Variants in MGAT5 observed in about 807,000 individuals in gnomAD.
MGAT5 encodes the protein alpha-1,6-mannosylglycoprotein 6-beta-N-acetylglucosaminyltransferase.
A neutral mutation model predicts 94.3 loss-of-function variants in MGAT5; 30 were observed. The ratio of observed to expected loss-of-function variants is 0.32; its 90% CI spans 0.24 to 0.43. The LOEUF is 0.43. Ranked by LOEUF, MGAT5 falls within the 20% of genes least tolerant of loss-of-function variation. The pLI, the probability that MGAT5 is intolerant of heterozygous loss-of-function variation, is 1.00. For missense variants in MGAT5, 691 were observed against 905.5 expected (o/e 0.76, Z 3.04); for synonymous variants, 310 against 322.9 (o/e 0.96, Z 0.43).
rs974816378 is a variant in MGAT5, at chr2:134,317,429, T to C, written c.407-100T>C. 5 of 760,690 alleles carry C rather than the reference T, an allele frequency of 6.6e-6. No homozygotes were observed. In the African/African-American group the frequency reaches 9.2e-5, roughly 14 times the overall value. 47.1% of individuals were successfully genotyped at this position (760,690 alleles called of 1,614,324 possible). On this transcript the variant is annotated intron_variant, in intron 2 of 15. Transcript: ENST00000281923. ...AGAGCATGGCTGCCAACAGAGACCT[T>C]TCTTTTTTGGTTTCTCTCCCTACCT...
At chr2:134,233,258 G>A (rs1681462178) in intron 1 of MGAT5, among the ~76,000 whole-genome samples, 1 of 152,150 alleles carries the variant, frequency 6.6e-6, no homozygotes. Context: ...ATGAATCACA[G>A]TGTAGTTTTG....
intron 1 of MGAT5, among the ~76,000 whole-genome samples, chr2:134,179,501 A>G (rs1688633755): frequency 6.6e-6 from 1 of 152,100 alleles, no homozygotes; most frequent in African/African-American, 2.4e-5. Flanking sequence ...AGGATTCACT[A>G]ATTCAGTGTT....
At chr2:134,162,879 T>C (rs1687800268) in intron 1 of MGAT5, among the ~76,000 whole-genome samples, 4 of 152,212 alleles carry the variant, frequency 2.6e-5, no homozygotes, top group Admixed American at 2.0e-4. Context: ...GTTAAGTGCC[T>C]TGCAAACTGT....
intron 10 of MGAT5, among the ~76,000 whole-genome samples, chr2:134,402,560 T>C (rs905209396): frequency 2.0e-5 from 3 of 152,200 alleles, no homozygotes; most frequent in Non-Finnish European, 4.4e-5. Context: ...TGGGTAAATG[T>C]TGCAGTCCAA....
chr2:134,305,507 C>G (rs141612945), intron 2 of MGAT5, among the ~76,000 whole-genome samples: 11 of 152,262 alleles, frequency 7.2e-5, no homozygotes, highest in Middle Eastern at 3.4e-3. Context: ...TATTTCTTTT[C>G]TTCTTCAGTT....
chr2:134,333,746 T>C (rs576698336), intron 4 of MGAT5, among the ~76,000 whole-genome samples: 57 of 152,142 alleles, frequency 3.7e-4, no homozygotes, highest in Admixed American at 9.2e-4. Flanking sequence ...TTCAGCAAGA[T>C]TTTCCTTGAA....
At chr2:134,148,765 T>G (rs1334952984) in intron 1 of MGAT5, among the ~76,000 whole-genome samples, 1 of 147,914 alleles carries the variant, frequency 6.8e-6, no homozygotes, top group Non-Finnish European at 1.5e-5. Flanking sequence ...TTAGGTTTTT[T>G]TTTTTTTTTT....
rs1685935602 is a variant in MGAT5, at chr2:134,448,724, C to G, written c.2103C>G (p.His701Gln). The change falls in exon 16 of 16, where the codon CAC (histidine) becomes CAG (glutamine). Residue 701 changes from histidine to glutamine, a missense_variant. By Grantham distance (24) the His-to-Gln change is conservative. This residue lies in a region of MGAT5 where 260 missense variants were observed against 347.0 expected (regional missense o/e 0.75). Coordinates refer to ENST00000281923, the MANE Select transcript of MGAT5 (RefSeq NM_002410.5). The part of the protein sequence containing the change: ...LVPSFDPKNK[H>Q]CVFQGDLLLF... ...CCTCCTTTGACCCTAAGAATAAGCA[C>G]TGTGTGTTTCAAGGTGACCTCCTGC... The G allele has an allele frequency of 6.2e-7, 1 of 1,614,100 alleles. No individual in the cohort carries two copies. The highest frequency in any genetic ancestry group is 2.2e-5 in the East Asian group (1 of 44,900).
chr2:134,296,638 A>C (rs1685690901), intron 2 of MGAT5, among the ~76,000 whole-genome samples: 1 of 151,964 alleles, frequency 6.6e-6, no homozygotes, highest in Admixed American at 6.6e-5. Flanking sequence ...TATACAACTG[A>C]CCTTGTTTCT....
intron 4 of MGAT5, among the ~76,000 whole-genome samples, chr2:134,333,098 G>A (rs985884182): frequency 6.6e-6 from 1 of 152,052 alleles, no homozygotes; most frequent in Non-Finnish European, 1.5e-5. Flanking sequence ...TATAACCAAA[G>A]GACTATAAAT....
At chr2:134,199,350 G>A (rs996718744) in intron 1 of MGAT5, among the ~76,000 whole-genome samples, 6 of 152,092 alleles carry the variant, frequency 3.9e-5, no homozygotes, top group South Asian at 2.1e-4. Context: ...CTGAAGTCTC[G>A]GAGGGAGTCC....
chr2:134,127,229 C>G (rs1685882588), intron 1 of MGAT5: 1 of 154,742 alleles, frequency 6.5e-6, no homozygotes, highest in African/African-American at 2.4e-5. Context: ...TTTGCAAACA[C>G]AGCTTCAAGC....
intron 9 of MGAT5, among the ~76,000 whole-genome samples, chr2:134,361,041 C>T (rs755998842): frequency 6.6e-5 from 10 of 152,186 alleles, no homozygotes; most frequent in African/African-American, 2.2e-4. Context: ...GCATGGCGGG[C>T]GACATTGGAG....
intron 13 of MGAT5, among the ~76,000 whole-genome samples, chr2:134,424,689 ATT>A (rs1684480722): frequency 6.6e-6 from 1 of 152,186 alleles, no homozygotes; most frequent in Admixed American, 6.5e-5. Context: ...AACAGCAGAA[ATT>A]TATTCTCTCT....
chr2:134,341,788 T>A (rs1339140476), intron 7 of MGAT5, 29 bp downstream of exon 7: 2 of 1,571,182 alleles, frequency 1.3e-6, no homozygotes, highest in Admixed American at 4.0e-5. Flanking sequence ...AATTTTAAAA[T>A]CAGAATACAA....
At chr2:134,241,626 G>C (rs1328410478) in intron 1 of MGAT5, among the ~76,000 whole-genome samples, 1 of 152,188 alleles carries the variant, frequency 6.6e-6, no homozygotes, top group Non-Finnish European at 1.5e-5. Context: ...CATTAGCAAA[G>C]ATAGTATCAA....
intron 1 of MGAT5, among the ~76,000 whole-genome samples, chr2:134,227,468 T>C (rs531417651): frequency 6.6e-6 from 1 of 152,324 alleles, no homozygotes; most frequent in Non-Finnish European, 1.5e-5. Context: ...GACTTTTTAC[T>C]CATTCACTGC....
At chr2:134,240,095 G>C (rs557053369) in intron 1 of MGAT5, among the ~76,000 whole-genome samples, 1 of 152,180 alleles carries the variant, frequency 6.6e-6, no homozygotes, top group East Asian at 1.9e-4. Flanking sequence ...GATACATAAA[G>C]TGTATAATGA....
At chr2:134,257,845 T>TTTGTA (rs2105536990) in intron 1 of MGAT5, among the ~76,000 whole-genome samples, 1 of 149,768 alleles carries the variant, frequency 6.7e-6, no homozygotes, top group Non-Finnish European at 1.5e-5. Context: ...TCTTTTTTTT[T>TTTGTA]TTTTTTTTTT....
Sources: allele counts gnomAD v4.1 joint callset (sites outside exome capture counted in the v4.1 genomes callset), GRCh38; gene constraint gnomAD v4.1.1; regional missense constraint gnomAD v4.1.1; transcripts MANE v1.5; gene names NCBI Gene and HGNC (gene_info 2026-07-23, HGNC 2026-07-21).